The following ATP5F1C variants were observed in gnomAD, a reference collection of about 807,000 sequenced individuals.
ATP5F1C encodes ATP synthase F(1) complex subunit gamma, mitochondrial.
A neutral mutation model predicts 37.4 loss-of-function variants in ATP5F1C; 22 were observed. The observed-to-expected ratio is 0.59, with a 90% CI of 0.42 to 0.84. ATP5F1C has a LOEUF of 0.84. Among genes scored for constraint, ATP5F1C ranks in the 40% least tolerant of loss-of-function variants. The pLI is 0.00. For missense variants in ATP5F1C, 286 were observed against 362.4 expected, an observed-to-expected ratio of 0.79 and a Z score of 1.71; for synonymous variants, 121 against 128.0, an observed-to-expected ratio of 0.95 and a Z score of 0.37.
chr10:7,790,729 T>C (rs896861769), intron 1 of ATP5F1C, among the ~76,000 whole-genome samples: 2 of 152,216 alleles, frequency 1.3e-5, no homozygotes, highest in African/African-American at 2.4e-5. Flanking sequence ...ACGGCAGGGA[T>C]TGAATTCTGA....
intron 1 of ATP5F1C, among the ~76,000 whole-genome samples, chr10:7,794,920 A>G (rs1020052892): frequency 9.9e-5 from 15 of 152,132 alleles, no homozygotes; most frequent in East Asian, 7.7e-4. Context: ...CTAGTCTCCT[A>G]TTGCTTTGCC....
intron 3 of ATP5F1C, among the ~76,000 whole-genome samples, chr10:7,798,140 C>G (rs1158317645): frequency 6.6e-6 from 1 of 152,036 alleles, no homozygotes; most frequent in Non-Finnish European, 1.5e-5. Flanking sequence ...CAGTGAACCC[C>G]CTATTTATCT....
intron 6 of ATP5F1C, among the ~76,000 whole-genome samples, chr10:7,800,439 C>G (rs1362797183): frequency 6.6e-6 from 1 of 151,934 alleles, no homozygotes; most frequent in Non-Finnish European, 1.5e-5. Flanking sequence ...TCGTGATCCA[C>G]CCGCCTCGGC....
chr10:7,802,186 G>A, intron 6 of ATP5F1C, 84 bp from the exon 7 acceptor site: 2 of 1,350,972 alleles, frequency 1.5e-6, no homozygotes, highest in Non-Finnish European at 2.0e-6. Context: ...TAATTATAAA[G>A]GAGTTTTACA....
chr10:7,805,759 A>T lies in ATP5F1C; in HGVS notation c.891-1215A>T, dbSNP rs935183660. Reference sequence around the variant, plus strand: ...AAGACTCCTTCTCAAAAAAAAAAAAAAAAAAAAAAAGAAATGCAGGAAACC... The same window carrying T: ...AAGACTCCTTCTCAAAAAAAAAAAATAAAAAAAAAAGAAATGCAGGAAACC... On this transcript the variant is annotated intron_variant, in intron 8 of 9. Transcript: ENST00000356708. 1.0e-3 allele frequency among the ~76,000 whole-genome samples: 157 copies of T among 151,626 alleles called. 1 individual carries two copies. Among genetic ancestry groups the T allele is most frequent in the African/African-American group, 3.6e-3 (151 of 41,410 alleles).
intron 1 of ATP5F1C, among the ~76,000 whole-genome samples, chr10:7,793,364 G>A (rs140786568): frequency 9.2e-5 from 14 of 152,244 alleles, no homozygotes; most frequent in Admixed American, 1.3e-4. Flanking sequence ...CGCCTGCCTC[G>A]GCCTCCCAAA....
intron 1 of ATP5F1C, among the ~76,000 whole-genome samples, chr10:7,793,159 T>G (rs943201692): frequency 6.6e-6 from 1 of 152,220 alleles, no homozygotes; most frequent in Non-Finnish European, 1.5e-5. Context: ...GTCATCCAGG[T>G]GGAATGCAAT....
intron 8 of ATP5F1C, among the ~76,000 whole-genome samples, chr10:7,805,419 C>G (rs1836455172): frequency 6.6e-6 from 1 of 152,080 alleles, no homozygotes; most frequent in Admixed American, 6.6e-5. Context: ...ACAACTTCTG[C>G]AAAATTGAGG....
chr10:7,805,599 T>G (rs1836459596), intron 8 of ATP5F1C, among the ~76,000 whole-genome samples: 1 of 151,666 alleles, frequency 6.6e-6, no homozygotes, highest in Non-Finnish European at 1.5e-5. Context: ...TACAAAAAAT[T>G]AGCTGGGCGT....
intron 1 of ATP5F1C, among the ~76,000 whole-genome samples, chr10:7,792,914 T>A (rs764359047): frequency 2.0e-5 from 3 of 152,222 alleles, no homozygotes; most frequent in Non-Finnish European, 4.4e-5. Context: ...TCTTCCCAAG[T>A]GGCTGTGTAC....
At chr10:7,802,737 G>A (rs1836394354) in intron 7 of ATP5F1C, 21 bp from the exon 8 acceptor site, 1 of 1,601,788 alleles carries the variant, frequency 6.2e-7, no homozygotes, top group Admixed American at 1.7e-5. Context: ...TTTTTATGTA[G>A]TGTTTTTGTT....
At chr10:7,794,142 G>A (rs929481709) in intron 1 of ATP5F1C, among the ~76,000 whole-genome samples, 8 of 152,102 alleles carry the variant, frequency 5.3e-5, no homozygotes, top group Admixed American at 5.2e-4. Context: ...AATTGTGTGC[G>A]GGCATTTTTA....
At chr10:7,793,516 G>A (rs752460424) in intron 1 of ATP5F1C, among the ~76,000 whole-genome samples, 8 of 152,098 alleles carry the variant, frequency 5.3e-5, no homozygotes, top group Non-Finnish European at 1.0e-4. Flanking sequence ...GTTTGTTTTG[G>A]ATACAAGTCC....
At chr10:7,802,884 G>T (rs200473870) in intron 8 of ATP5F1C, 30 bp downstream of exon 8, 12 of 1,592,630 alleles carry the variant, frequency 7.5e-6, no homozygotes, top group Non-Finnish European at 9.4e-6. Context: ...CGCCTTCAGA[G>T]AATTTTTTTT....
chr10:7,800,204 C>T, intron 6 of ATP5F1C, 113 bp downstream of exon 6: 2 of 1,147,000 alleles, frequency 1.7e-6, no homozygotes, highest in Non-Finnish European at 2.5e-6. Context: ...TGATTTGGGG[C>T]TGTTTCTTTT....
chr10:7,793,174 C>G (rs936675461), intron 1 of ATP5F1C, among the ~76,000 whole-genome samples: 3 of 152,208 alleles, frequency 2.0e-5, no homozygotes, highest in South Asian at 4.1e-4. Flanking sequence ...TGCAATGGCA[C>G]GATCTCTGCT....
Position 7,802,962 on chromosome 10 carries a change from C to A in ATP5F1C, c.890+108C>A, listed in dbSNP as rs983971788. 6.5e-5 allele frequency: 56 copies of A among 860,508 alleles called. No individual in the cohort carries two copies. In the South Asian group the frequency reaches 8.8e-4, roughly 13 times the overall value. The allele number at this position is 860,508 out of a possible 1,614,324, so 53.3% of individuals were successfully genotyped here. A position where few individuals can be genotyped will look rare whatever the true frequency, so the allele number is the denominator to read the frequency against. On this transcript the variant is annotated intron_variant, in intron 8 of 9. Coordinates refer to ENST00000356708, the MANE Select transcript of ATP5F1C (RefSeq NM_001001973.3). ...GTTTTTTTCTTTTGAAGTTGAAACT[C>A]ATTGCTGAAACTTGCATCCTAACTC...
chr10:7,794,117 T>A lies in ATP5F1C; in HGVS notation c.57-2004T>A, dbSNP rs142715566. On this transcript the variant is annotated intron_variant, in intron 1 of 9. Transcript: ENST00000356708. ...TAAAACACATGGAACATGAAGTTTA[T>A]CATTTTAACCATACAATTGTGTGCG... 3.0e-3 allele frequency among the ~76,000 whole-genome samples: 456 copies of A among 152,340 alleles called. 2 individuals carry two copies. The highest frequency in any genetic ancestry group is 3.4e-3 in the Non-Finnish European group (231 of 68,028).
Position 7,802,303 on chromosome 10 carries a change from A to T in ATP5F1C, c.671A>T (p.Asp224Val), listed in dbSNP as rs755351406. Reference sequence around the variant, plus strand: ...AGTATCTATGACGATATTGATGCTGACGTGCTGCAAAATTACCAAGAATAC... The same window carrying T: ...AGTATCTATGACGATATTGATGCTGTCGTGCTGCAAAATTACCAAGAATAC... ...SMSIYDDIDA[D>V]VLQNYQEYNL... The change falls in exon 7 of 10, where the codon GAC (aspartate) becomes GTC (valine). Residue 224 changes from aspartate to valine, a missense_variant. Physicochemically the swap from Asp to Val is radical, Grantham distance 152 (BLOSUM62 -3). Transcript: ENST00000356708. 6.2e-7 allele frequency: 1 copy of T among 1,613,770 alleles called. No homozygotes were observed. Among genetic ancestry groups the T allele is most frequent in the Non-Finnish European group, 8.5e-7 (1 of 1,179,908 alleles).
Sources: allele counts gnomAD v4.1 joint callset (sites outside exome capture counted in the v4.1 genomes callset), GRCh38; gene constraint gnomAD v4.1.1; transcripts MANE v1.5; gene names NCBI Gene and HGNC (gene_info 2026-07-23, HGNC 2026-07-21).